The following HSF2 variants were observed in gnomAD, a reference collection of about 807,000 sequenced individuals.
HSF2 encodes the protein heat shock transcription factor 2, also known as heat shock factor protein 2.
Under a neutral mutation model 65.0 loss-of-function variants are expected in HSF2, and 21 were observed. The ratio of observed to expected loss-of-function variants is 0.32; its 90% CI spans 0.23 to 0.47. HSF2 has a LOEUF of 0.47. HSF2 is among the 20% of genes least tolerant of loss of function. The probability of loss-of-function intolerance (pLI) is 1.00; values close to 1 mark genes in which losing one functional copy is unlikely to be tolerated. For synonymous variants in HSF2, 225 were observed against 219.1 expected (o/e 1.03, Z -0.24); for missense variants, 499 against 628.1 (o/e 0.79, Z 2.20).
At chr6:122,417,947 A>G (rs1025672462) in intron 5 of HSF2, among the ~76,000 whole-genome samples, 1 of 152,196 alleles carries the variant, frequency 6.6e-6, no homozygotes, top group Non-Finnish European at 1.5e-5. Context: ...CTCTAATACT[A>G]TGAACCTCTT....
At position 122,419,138 on chromosome 6, in the gene HSF2, T is replaced by G. The variant is rs761349898; in HGVS notation, c.532-30T>G. ...AGAGACAAAAGAATTAACAGTATAA[T>G]GAAATAATTTTTGTTTATATTTTTT... On this transcript the variant is annotated intron_variant, in intron 5 of 12. Coordinates refer to ENST00000368455, the MANE Select transcript of HSF2 (RefSeq NM_004506.4). The G allele has an allele frequency of 2.8e-6, 3 of 1,052,886 alleles. No homozygotes were observed. The East Asian group carries it at 7.3e-5, about 26-fold the overall frequency. 65.2% of individuals were successfully genotyped at this position (1,052,886 alleles called of 1,614,324 possible).
intron 3 of HSF2, 128 bp from the exon 4 acceptor site, chr6:122,413,397 T>A: frequency 1.6e-6 from 1 of 643,042 alleles, no homozygotes; most frequent in Non-Finnish European, 2.7e-6. Context: ...TAGCATTTCA[T>A]CCCGGGCTTT....
At position 122,412,341 on chromosome 6, in the gene HSF2, T is replaced by A; in HGVS notation, c.94-32T>A. ...CCATGTGTCATAGGAACTTAACTAA[T>A]TTACTTTTTCTTTTTTTTTTTCCCC... On this transcript the variant is annotated intron_variant, in intron 1 of 12. Transcript: ENST00000368455. 4 of 1,296,024 alleles carry A rather than the reference T, an allele frequency of 3.1e-6. No homozygotes were observed. The South Asian group carries it at 4.7e-5, about 15-fold the overall frequency. The allele number at this position is 1,296,024 out of a possible 1,614,324, so 80.3% of individuals were successfully genotyped here. A position where few individuals can be genotyped will look rare whatever the true frequency, so the allele number is the denominator to read the frequency against.
intron 1 of HSF2, among the ~76,000 whole-genome samples, chr6:122,405,256 TAAA>T (rs367766925): frequency 1.6e-5 from 2 of 123,704 alleles, no homozygotes; most frequent in Non-Finnish European, 1.7e-5. Context: ...CCCTGTCTCT[TAAA>T]AAAAAAAAAA....
intron 1 of HSF2, among the ~76,000 whole-genome samples, chr6:122,401,741 T>C (rs1409370682): frequency 6.6e-6 from 1 of 152,234 alleles, no homozygotes; most frequent in African/African-American, 2.4e-5. Context: ...AGGTGTTTAA[T>C]AATTGTTTGA....
chr6:122,427,481 A>G (rs1360583963), intron 10 of HSF2, among the ~76,000 whole-genome samples: 1 of 152,044 alleles, frequency 6.6e-6, no homozygotes, highest in Admixed American at 6.6e-5. Context: ...CATAGAGCAG[A>G]TTCTGTAAAT....
intron 2 of HSF2, 74 bp downstream of exon 2, chr6:122,412,555 G>A (rs1196940472): frequency 6.4e-7 from 1 of 1,555,264 alleles, no homozygotes; most frequent in Admixed American, 1.7e-5. Flanking sequence ...CCATTAGGGT[G>A]GTAAAGGAAA....
Position 122,423,644 on chromosome 6 carries a change from A to G in HSF2, c.1134A>G (p.Leu378=), listed in dbSNP as rs201391717. ...GTTTAGAGGACTTCCAGGCCATGCTATCAGGAAGACAATTTAGCATAGACC... is the reference window on the plus strand; with the variant it reads ...GTTTAGAGGACTTCCAGGCCATGCTGTCAGGAAGACAATTTAGCATAGACC... The part of the protein sequence containing the change: ...DCSLEDFQAM[L]SGRQFSIDPD... The change falls in exon 10 of 13, where the codon CTA becomes CTG. Residue 378 remains leucine (L), a synonymous_variant. Coordinates refer to ENST00000368455, the MANE Select transcript of HSF2 (RefSeq NM_004506.4). 5 of 1,610,652 alleles carry G rather than the reference A, an allele frequency of 3.1e-6. No individual in the cohort carries two copies. The highest frequency in any genetic ancestry group is 2.2e-5 in the South Asian group (2 of 90,756).
At chr6:122,407,314 A>C (rs973890125) in intron 1 of HSF2, among the ~76,000 whole-genome samples, 16 of 152,176 alleles carry the variant, frequency 1.1e-4, no homozygotes, top group African/African-American at 3.6e-4. Flanking sequence ...ATAGGATATG[A>C]AATGTCTAAC....
intron 1 of HSF2, among the ~76,000 whole-genome samples, chr6:122,405,814 A>G (rs1263664667): frequency 1.3e-5 from 2 of 152,202 alleles, no homozygotes; most frequent in Non-Finnish European, 2.9e-5. Flanking sequence ...CTGCAAGCCT[A>G]ATTTACTATT....
At chr6:122,419,066 T>A (rs1418638022) in intron 5 of HSF2, 102 bp from the exon 6 acceptor site, 3 of 629,336 alleles carry the variant, frequency 4.8e-6, no homozygotes, top group African/African-American at 1.9e-5. Context: ...ATTATGAGAC[T>A]TAGAGGACAA....
At chr6:122,399,908 G>A in intron 1 of HSF2, 78 bp downstream of exon 1, 1 of 1,102,076 alleles carries the variant, frequency 9.1e-7, no homozygotes, top group Non-Finnish European at 1.4e-6. Flanking sequence ...GTGGTCTCTC[G>A]CGGCCTTGCG....
chr6:122,420,233 A>T lies in HSF2; in HGVS notation c.681+11A>T. 1 of 1,573,486 alleles carries T rather than the reference A, an allele frequency of 6.4e-7. No homozygotes were observed. The highest frequency in any genetic ancestry group is 8.7e-7 in the Non-Finnish European group (1 of 1,148,112). Reference sequence around the variant, plus strand: ...AATCATCATCATAAAGTAATTTTTTAGTTAGGGTCTATTTTATATTTATTG... The same window carrying T: ...AATCATCATCATAAAGTAATTTTTTTGTTAGGGTCTATTTTATATTTATTG... On this transcript the variant is annotated intron_variant, in intron 7 of 12. Transcript: ENST00000368455.
At chr6:122,419,278 T>TAAAAAG in intron 6 of HSF2, 49 bp downstream of exon 6, 1 of 875,204 alleles carries the variant, frequency 1.1e-6, no homozygotes. Context: ...GCAGTCACAC[T>TAAAAAG]TTTTAGTGTT....
intron 5 of HSF2, among the ~76,000 whole-genome samples, chr6:122,417,267 T>A (rs1327442958): frequency 6.6e-6 from 1 of 152,156 alleles, no homozygotes; most frequent in Non-Finnish European, 1.5e-5. Context: ...ATGTGCAGCC[T>A]GGTTAAGAAT....
chr6:122,428,954 C>T (rs1348063103), intron 11 of HSF2, among the ~76,000 whole-genome samples: 2 of 151,994 alleles, frequency 1.3e-5, no homozygotes, highest in Non-Finnish European at 1.5e-5. Context: ...AAAGGGGCAG[C>T]TAGTAAATAC....
rs759832259 is a variant in HSF2, at chr6:122,427,897, T to G, written c.1177-6T>G. On this transcript the variant is annotated splice_polypyrimidine_tract_variant and splice_region_variant and intron_variant, in intron 10 of 12. Coordinates refer to ENST00000368455, the MANE Select transcript of HSF2 (RefSeq NM_004506.4). ...AACTTATCATCTTTCTTGTTTGGTC[T>G]TTCAGCTTTTCACTAGTTCTGTGCA... 32 of 1,586,492 alleles carry G rather than the reference T, an allele frequency of 2.0e-5. No individual in the cohort carries two copies. The highest frequency in any genetic ancestry group is 2.6e-6 in the Non-Finnish European group (3 of 1,161,866).
rs1774493629 is a variant in HSF2, at chr6:122,432,309, T to C, written c.*89T>C. The C allele has an allele frequency of 3.6e-6, 4 of 1,121,026 alleles. No individual in the cohort carries two copies. The highest frequency in any genetic ancestry group is 5.1e-6 in the Non-Finnish European group (4 of 781,444). The allele number at this position is 1,121,026 out of a possible 1,614,324, so 69.4% of individuals were successfully genotyped here. The stretch of plus-strand genomic sequence containing the variant: ...TATCATTTGGTACTTTTTTTGTAAA[T>C]TGCTTTGTTTTGTTTAATCAGATAC... On this transcript the variant is annotated 3_prime_UTR_variant, in exon 13 of 13. Coordinates refer to ENST00000368455, the MANE Select transcript of HSF2 (RefSeq NM_004506.4).
At chr6:122,400,369 A>G (rs951159457) in intron 1 of HSF2, among the ~76,000 whole-genome samples, 2 of 152,182 alleles carry the variant, frequency 1.3e-5, no homozygotes, top group Non-Finnish European at 2.9e-5. Flanking sequence ...CAATAGACAT[A>G]CGTTCAAACG....
Sources: allele counts gnomAD v4.1 joint callset (sites outside exome capture counted in the v4.1 genomes callset), GRCh38; gene constraint gnomAD v4.1.1; transcripts MANE v1.5; gene names NCBI Gene and HGNC (gene_info 2026-07-23, HGNC 2026-07-21).